The following GRIK4 variants were observed in gnomAD, a reference collection of about 807,000 sequenced individuals.
GRIK4 encodes glutamate ionotropic receptor kainate type subunit 4, also known as glutamate receptor ionotropic, kainate 4.
GRIK4 carries 40 observed loss-of-function variants against 104.9 expected under a neutral mutation model. The observed-to-expected ratio is 0.38, with a 90% CI of 0.30 to 0.50. GRIK4 has a LOEUF of 0.50. GRIK4 is among the 20% of genes least tolerant of loss of function. The pLI is 0.93. For missense variants in GRIK4, 1,047 were observed against 1,308.1 expected (o/e 0.80, Z 3.08); for synonymous variants, 485 against 524.9 (o/e 0.92, Z 1.04).
At chr11:120,593,181 CAAAA>C (rs563165078) in intron 1 of GRIK4, among the ~76,000 whole-genome samples, 1 of 102,238 alleles carries the variant, frequency 9.8e-6, no homozygotes. Context: ...GACTCTGTCT[CAAAA>C]AAAAAAAAAA....
At chr11:120,618,305 C>T (rs117732738) in intron 1 of GRIK4, among the ~76,000 whole-genome samples, 1 of 152,292 alleles carries the variant, frequency 6.6e-6, no homozygotes, top group East Asian at 1.9e-4. Context: ...AAAGATGTTA[C>T]CTGACTGCTT....
At position 120,656,225 on chromosome 11, in the gene GRIK4, G is replaced by T. The variant is rs189415718; in HGVS notation, c.-51+2433G>T. On this transcript the variant is annotated intron_variant, in intron 2 of 20. Coordinates refer to ENST00000527524, the MANE Select transcript of GRIK4 (RefSeq NM_014619.5). ...GTGTTTTTTGGTGAAGAATCTGAAAGCTTCATCTTTCTGCTCTGTAGCAGT... is the reference window on the plus strand; with the variant it reads ...GTGTTTTTTGGTGAAGAATCTGAAATCTTCATCTTTCTGCTCTGTAGCAGT... Among the ~76,000 whole-genome samples, 7 of 152,342 alleles carry T rather than the reference G, an allele frequency of 4.6e-5. No individual in the cohort carries two copies. In the East Asian group the frequency reaches 1.3e-3, roughly 29 times the overall value.
chr11:120,710,552 C>T (rs920879115), intron 3 of GRIK4, among the ~76,000 whole-genome samples: 5 of 152,098 alleles, frequency 3.3e-5, no homozygotes, highest in South Asian at 2.1e-4. Context: ...AGCAGTGGTG[C>T]GGGCTCTTTC....
At chr11:120,759,529 A>G (rs1272731374) in intron 3 of GRIK4, among the ~76,000 whole-genome samples, 1 of 151,516 alleles carries the variant, frequency 6.6e-6, no homozygotes, top group East Asian at 1.9e-4. Flanking sequence ...TTTTTTTTCA[A>G]GTCTAACATG....
intron 12 of GRIK4, among the ~76,000 whole-genome samples, chr11:120,899,292 A>G (rs1456146466): frequency 6.6e-6 from 1 of 151,906 alleles, no homozygotes; most frequent in Non-Finnish European, 1.5e-5. Context: ...ACGGTGGCAC[A>G]CGCCTGAAAT....
At chr11:120,842,572 C>G (rs528071879) in intron 8 of GRIK4, among the ~76,000 whole-genome samples, 8 of 152,352 alleles carry the variant, frequency 5.3e-5, no homozygotes, top group African/African-American at 1.9e-4. Flanking sequence ...ACTAGAATCC[C>G]AAGCCCTGGC....
intron 3 of GRIK4, among the ~76,000 whole-genome samples, chr11:120,788,165 G>A (rs4359220): frequency 0.44 from 66,821 of 151,768 alleles, 17,319 homozygotes; most frequent in East Asian, 0.81. Context: ...CACCACATCC[G>A]GCTGCCTTGC....
At chr11:120,665,339 C>T (rs1303578276) in intron 3 of GRIK4, among the ~76,000 whole-genome samples, 1 of 152,114 alleles carries the variant, frequency 6.6e-6, no homozygotes, top group Non-Finnish European at 1.5e-5. Flanking sequence ...ATCTCATTTC[C>T]AAATTGAGTC....
At chr11:120,514,958 C>T (rs1475730228) in intron 1 of GRIK4, 1 of 456,650 alleles carries the variant, frequency 2.2e-6, no homozygotes, top group East Asian at 7.0e-5. Flanking sequence ...TTCCAGCCAT[C>T]CTGCCGCTGT....
intron 1 of GRIK4, among the ~76,000 whole-genome samples, chr11:120,579,063 A>G (rs762242169): frequency 1.3e-5 from 2 of 152,178 alleles, no homozygotes; most frequent in Non-Finnish European, 2.9e-5. Flanking sequence ...TCCTACCTGA[A>G]TATGATAGTC....
At chr11:120,820,908 C>T (rs1028909236) in intron 6 of GRIK4, among the ~76,000 whole-genome samples, 1 of 152,332 alleles carries the variant, frequency 6.6e-6, no homozygotes, top group South Asian at 2.1e-4. Context: ...TTATCCAGTA[C>T]AATTTTATTG....
rs537184056 is a variant in GRIK4, at chr11:120,547,260, C to T, written c.-159+35373C>T. Among the ~76,000 whole-genome samples the T allele has an allele frequency of 1.3e-3, 199 of 152,334 alleles. 2 individuals are homozygous for T. Among genetic ancestry groups the T allele is most frequent in the Admixed American group, 3.8e-3 (58 of 15,304 alleles). On this transcript the variant is annotated intron_variant, in intron 1 of 20. Coordinates refer to ENST00000527524, the MANE Select transcript of GRIK4 (RefSeq NM_014619.5). ...CCTCCAGGGTACCCTGGGCACTCCT[C>T]TATCGTGGCTCTTGGCATCTTAGAT...
At chr11:120,701,738 G>A (rs1040340025) in intron 3 of GRIK4, among the ~76,000 whole-genome samples, 2 of 152,146 alleles carry the variant, frequency 1.3e-5, no homozygotes, top group African/African-American at 4.8e-5. Context: ...TCCAGTTGCT[G>A]CATTGAGAAT....
At chr11:120,572,367 A>C (rs943270024) in intron 1 of GRIK4, among the ~76,000 whole-genome samples, 1 of 152,140 alleles carries the variant, frequency 6.6e-6, no homozygotes, top group Non-Finnish European at 1.5e-5. Context: ...TGCCCAGAAA[A>C]ATTTCCATCT....
chr11:120,692,770 C>T (rs1344405507), intron 3 of GRIK4, among the ~76,000 whole-genome samples: 1 of 152,174 alleles, frequency 6.6e-6, no homozygotes, highest in African/African-American at 2.4e-5. Flanking sequence ...TCGCTCTTGT[C>T]ACCCAGGCTG....
At chr11:120,818,643 A>C (rs1428816995) in intron 5 of GRIK4, among the ~76,000 whole-genome samples, 1 of 152,228 alleles carries the variant, frequency 6.6e-6, no homozygotes, top group Non-Finnish European at 1.5e-5. Context: ...GACTTCTCCC[A>C]AAAATTTAAA....
chr11:120,621,201 G>A (rs189831030), intron 1 of GRIK4, among the ~76,000 whole-genome samples: 2 of 152,278 alleles, frequency 1.3e-5, no homozygotes, highest in East Asian at 1.9e-4. Context: ...CTTGGGGTGG[G>A]CACGGTGAGT....
intron 17 of GRIK4, among the ~76,000 whole-genome samples, chr11:120,961,424 A>G (rs888359115): frequency 6.6e-6 from 1 of 152,202 alleles, no homozygotes; most frequent in African/African-American, 2.4e-5. Flanking sequence ...TGTTTTATTT[A>G]TATTACTGCA....
At chr11:120,936,250 C>T (rs372886460) in intron 13 of GRIK4, 146 of 484,540 alleles carry the variant, frequency 3.0e-4, no homozygotes, top group Non-Finnish European at 4.8e-4. Flanking sequence ...AGTCATCTGC[C>T]GCCGTGTTAG....
Sources: allele counts gnomAD v4.1 joint callset (sites outside exome capture counted in the v4.1 genomes callset), GRCh38; gene constraint gnomAD v4.1.1; transcripts MANE v1.5; gene names NCBI Gene and HGNC (gene_info 2026-07-23, HGNC 2026-07-21).